RERG: variants seen among roughly 807,000 people sequenced by gnomAD.
RERG encodes RAS like estrogen regulated growth inhibitor.
Under a neutral mutation model 23.2 loss-of-function variants are expected in RERG, and 25 were observed. That is an observed-to-expected ratio of 1.08 (90% CI 0.79 to 1.50). The LOEUF is 1.50. RERG is among the 40% of genes most tolerant of loss of function. RERG has a pLI of 0.00. For missense variants in RERG, 253 were observed against 250.1 expected (o/e 1.01, Z -0.08); for synonymous variants, 81 against 89.1 (o/e 0.91, Z 0.51).
intron 2 of RERG, among the ~76,000 whole-genome samples, chr12:15,128,107 A>AT (rs148422990): frequency 0.041 from 6,211 of 152,074 alleles, 465 homozygotes; most frequent in African/African-American, 0.14. Context: ...TACATGTTTG[A>AT]TTTTTTTTAA....
chr12:15,141,762 C>T (rs866245154), intron 2 of RERG, among the ~76,000 whole-genome samples: 1 of 152,208 alleles, frequency 6.6e-6, no homozygotes, highest in Non-Finnish European at 1.5e-5. Flanking sequence ...TGATGACTTA[C>T]AAGCTCGTTC....
intron 2 of RERG, among the ~76,000 whole-genome samples, chr12:15,161,226 G>GAAAGAAAGAAAGAAAGAAAGAAAGAAAC (rs1565524246): frequency 3.2e-5 from 4 of 123,564 alleles, no homozygotes; most frequent in Non-Finnish European, 7.4e-5. Context: ...AAGAAAGAAA[G>GAAAGAAAGAAAGAAAGAAAGAAAGAAAC]AAACAGGGGC....
At chr12:15,137,828 A>G (rs1475511042) in intron 2 of RERG, 1 of 436,902 alleles carries the variant, frequency 2.3e-6, no homozygotes, top group Non-Finnish European at 4.5e-6. Context: ...TTTTAATTTT[A>G]CCTTTAAAAT....
intron 2 of RERG, among the ~76,000 whole-genome samples, chr12:15,136,093 C>T (rs559653478): frequency 3.7e-4 from 57 of 152,024 alleles, no homozygotes; most frequent in Non-Finnish European, 5.7e-4. Context: ...TGCCTGTTCT[C>T]GTTGTCTATT....
rs1376121537 is a variant in RERG at position 15,121,092 on chromosome 12, C to T, written c.89G>A (p.Arg30Gln). The change falls in exon 3 of 5, where the codon CGG (arginine) becomes CAG (glutamine). Residue 30 changes from arginine to glutamine, a missense_variant. Coordinates refer to ENST00000256953, the MANE Select transcript of RERG (RefSeq NM_032918.3). ...SALVVRFLTK[R>Q]FIWEYDPTLE... ...GGTGGGATCATATTCCCAGATGAAC[C>T]GTTTGGTCAGAAATCTCACTACAAG... 3.7e-6 allele frequency: 6 copies of T among 1,613,178 alleles called. No homozygotes were observed. The highest frequency in any genetic ancestry group is 2.2e-5 in the East Asian group (1 of 44,874).
intron 2 of RERG, among the ~76,000 whole-genome samples, chr12:15,123,272 G>A (rs1863870319): frequency 6.6e-6 from 1 of 151,952 alleles, no homozygotes; most frequent in Admixed American, 6.6e-5. Context: ...CAGTCCATCA[G>A]CTTTCAAAAC....
chr12:15,156,227 C>T (rs1203048337), intron 2 of RERG, among the ~76,000 whole-genome samples: 1 of 152,112 alleles, frequency 6.6e-6, no homozygotes, highest in South Asian at 2.1e-4. Context: ...GACAAAGTCA[C>T]AGGTATTGCT....
rs1864536342 is a variant in RERG, at chr12:15,157,275, C to A, written c.62-36156G>T. On this transcript the variant is annotated intron_variant, in intron 2 of 4. Transcript: ENST00000256953. Reference sequence around the variant, plus strand: ...AGAATAGCTTAGAATTATTTGTAATCAGCAGATATGAGTGTAGGTCTGGTA... The same window carrying A: ...AGAATAGCTTAGAATTATTTGTAATAAGCAGATATGAGTGTAGGTCTGGTA... Among the ~76,000 whole-genome samples the A allele has an allele frequency of 2.0e-5, 3 of 152,224 alleles. No individual in the cohort carries two copies. In the South Asian group the frequency reaches 6.2e-4, roughly 32 times the overall value.
intron 2 of RERG, among the ~76,000 whole-genome samples, chr12:15,125,728 C>T (rs1046894470): frequency 6.6e-6 from 1 of 151,942 alleles, no homozygotes; most frequent in Non-Finnish European, 1.5e-5. Context: ...TTTCATTAAG[C>T]ATGACCTCAA....
intron 2 of RERG, among the ~76,000 whole-genome samples, chr12:15,198,828 C>A (rs886150093): frequency 6.6e-6 from 1 of 152,172 alleles, no homozygotes; most frequent in Non-Finnish European, 1.5e-5. Flanking sequence ...ACATCTCCCC[C>A]GACTTCAGCC....
At chr12:15,153,300 A>G (rs973590518) in intron 2 of RERG, among the ~76,000 whole-genome samples, 6 of 152,194 alleles carry the variant, frequency 3.9e-5, no homozygotes, top group Non-Finnish European at 5.9e-5. Context: ...TTTAGAGAAC[A>G]CAGCTAACCA....
Position 15,177,839 on chromosome 12 carries a change from G to GTTTT in RERG, c.61+39586_61+39589dup, listed in dbSNP as rs11304470. On this transcript the variant is annotated intron_variant, in intron 2 of 4. Coordinates refer to ENST00000256953, the MANE Select transcript of RERG (RefSeq NM_032918.3). ...GATATCTCTCTGGCTCCCTCTGTTT[G>GTTTT]TTTTTTTTTTTTTTTTTTTTAGCTG... Among the ~76,000 whole-genome samples the GTTTT allele has an allele frequency of 3.1e-3, 349 of 112,696 alleles. 2 individuals carry two copies. Among genetic ancestry groups the GTTTT allele is most frequent in the Middle Eastern group, 9.9e-3 (2 of 202 alleles). 73.9% of individuals were successfully genotyped at this position (112,696 alleles called of 152,430 possible).
intron 2 of RERG, among the ~76,000 whole-genome samples, chr12:15,174,157 C>T (rs1218242431): frequency 1.3e-5 from 2 of 151,992 alleles, no homozygotes; most frequent in Middle Eastern, 3.4e-3. Flanking sequence ...TTTAATTTTT[C>T]CTTCATTTTT....
At chr12:15,186,656 G>C (rs781425093) in intron 2 of RERG, among the ~76,000 whole-genome samples, 11 of 152,108 alleles carry the variant, frequency 7.2e-5, no homozygotes, top group Non-Finnish European at 1.0e-4. Flanking sequence ...ATCAAACAAA[G>C]AAAGATTTGG....
intron 3 of RERG, chr12:15,112,354 G>C (rs763265662): frequency 6.6e-6 from 1 of 152,334 alleles, no homozygotes; most frequent in Non-Finnish European, 1.5e-5. Context: ...GCAGCATGGA[G>C]GGGAGGTGGA....
At chr12:15,215,577 T>C (rs1865429063) in intron 2 of RERG, among the ~76,000 whole-genome samples, 2 of 152,076 alleles carry the variant, frequency 1.3e-5, no homozygotes, top group Non-Finnish European at 1.5e-5. Flanking sequence ...CAAAAGCAGT[T>C]TCAGTAGCAT....
intron 2 of RERG, among the ~76,000 whole-genome samples, chr12:15,127,890 TA>T (rs1185879371): frequency 6.6e-6 from 1 of 152,150 alleles, no homozygotes; most frequent in Non-Finnish European, 1.5e-5. Flanking sequence ...TTAATTTTCA[TA>T]AAAACCCTTA....
intron 3 of RERG, among the ~76,000 whole-genome samples, chr12:15,117,677 A>G (rs79997188): frequency 0.24 from 8,268 of 34,502 alleles, 737 homozygotes; most frequent in African/African-American, 0.44. Context: ...ACACACGCGC[A>G]CACACACACA....
At chr12:15,168,987 TTTG>T (rs1351342095) in intron 2 of RERG, among the ~76,000 whole-genome samples, 5 of 152,056 alleles carry the variant, frequency 3.3e-5, no homozygotes, top group African/African-American at 7.2e-5. Context: ...AAGGTTTTTT[TTTG>T]TTGTTGTTGT....
Sources: gnomAD v4.1 joint callset for allele counts (sites outside exome capture counted in the v4.1 genomes callset) on GRCh38, gnomAD v4.1.1 for gene constraint, MANE v1.5 for transcripts, NCBI Gene and HGNC (gene_info 2026-07-23, HGNC 2026-07-21) for gene names.